PSPC1: variants seen among roughly 807,000 people sequenced by gnomAD.
The protein encoded by PSPC1 is paraspeckle component 1.
A neutral mutation model predicts 51.6 loss-of-function variants in PSPC1; 14 were observed. The ratio of observed to expected loss-of-function variants is 0.27; its 90% confidence interval spans 0.18 to 0.42. The LOEUF (loss-of-function observed/expected upper bound fraction) is 0.42. PSPC1 is among the 10% of genes least tolerant of loss of function. The pLI, the probability that PSPC1 is intolerant of heterozygous loss-of-function variation, is 1.00. For synonymous variants in PSPC1, 193 were observed against 231.9 expected (o/e 0.83, Z 1.53); for missense variants, 406 against 701.1 (o/e 0.58, Z 4.75).
At chr13:19,774,468 C>T (rs1357081729) in intron 1 of PSPC1, among the ~76,000 whole-genome samples, 1 of 152,092 alleles carries the variant, frequency 6.6e-6, no homozygotes, top group African/African-American at 2.4e-5. Flanking sequence ...GAGATATAGT[C>T]ATCCCTCTGT....
At chr13:19,750,239 C>G (rs889211066) in intron 4 of PSPC1, among the ~76,000 whole-genome samples, 8 of 151,954 alleles carry the variant, frequency 5.3e-5, no homozygotes, top group African/African-American at 1.7e-4. Context: ...AGCTGTGGTA[C>G]CTTGATCTCT....
chr13:19,755,039 G>A (rs887840847), intron 3 of PSPC1, among the ~76,000 whole-genome samples: 5 of 151,782 alleles, frequency 3.3e-5, no homozygotes, highest in African/African-American at 9.7e-5. Flanking sequence ...TCGAGACCAC[G>A]CTGAGCAACA....
chr13:19,687,640 C>T (rs1565959080), intron 6 of PSPC1, among the ~76,000 whole-genome samples: 1 of 152,182 alleles, frequency 6.6e-6, no homozygotes. Context: ...TAAAACCTGT[C>T]ACCCTTGCCT....
intron 3 of PSPC1, among the ~76,000 whole-genome samples, chr13:19,756,057 T>A (rs987946538): frequency 2.6e-5 from 4 of 151,872 alleles, no homozygotes; most frequent in African/African-American, 9.7e-5. Flanking sequence ...GCCATTATGG[T>A]AAAACCCCGT....
chr13:19,759,861 CAA>C (rs60889099), intron 2 of PSPC1, among the ~76,000 whole-genome samples: 3 of 131,768 alleles, frequency 2.3e-5, no homozygotes, highest in Admixed American at 7.8e-5. Flanking sequence ...GACTCCATCA[CAA>C]AAAAAAAAAA....
At chr13:19,771,374 G>A (rs1888610863) in intron 2 of PSPC1, among the ~76,000 whole-genome samples, 1 of 152,100 alleles carries the variant, frequency 6.6e-6, no homozygotes, top group Admixed American at 6.6e-5. Context: ...CTGAGCTCAG[G>A]CAATCCACCC....
chr13:19,720,732 T>C (rs989039218), intron 6 of PSPC1, among the ~76,000 whole-genome samples: 4 of 152,166 alleles, frequency 2.6e-5, no homozygotes, highest in Non-Finnish European at 4.4e-5. Flanking sequence ...GAAGAAGTTA[T>C]CTTAAGAAAA....
chr13:19,740,276 G>A (rs1885300871), intron 5 of PSPC1, among the ~76,000 whole-genome samples: 1 of 151,948 alleles, frequency 6.6e-6, no homozygotes, highest in Non-Finnish European at 1.5e-5. Context: ...CCGGGAGGCG[G>A]AGGTTGCTGT....
intron 5 of PSPC1, among the ~76,000 whole-genome samples, chr13:19,740,383 T>G (rs569724473): frequency 6.6e-6 from 1 of 151,664 alleles, no homozygotes; most frequent in South Asian, 2.1e-4. Context: ...TAAAATCACA[T>G]AGAAATATTT....
At chr13:19,767,548 T>G (rs1888193684) in intron 2 of PSPC1, among the ~76,000 whole-genome samples, 1 of 152,134 alleles carries the variant, frequency 6.6e-6, no homozygotes, top group South Asian at 2.1e-4. Context: ...AATTGGATGA[T>G]TATACTACCT....
At chr13:19,741,444 TA>T (rs1885424080) in intron 5 of PSPC1, 120 bp downstream of exon 5, 1 of 688,704 alleles carries the variant, frequency 1.5e-6, no homozygotes, top group Admixed American at 3.2e-5. Context: ...TGTATGTGGT[TA>T]AAATGGGCAA....
intron 1 of PSPC1, among the ~76,000 whole-genome samples, chr13:19,781,465 C>G (rs557231999): frequency 1.1e-4 from 17 of 152,224 alleles, no homozygotes; most frequent in Admixed American, 9.8e-4. Flanking sequence ...CTATATTACT[C>G]TGATACTGGG....
intron 1 of PSPC1, among the ~76,000 whole-genome samples, chr13:19,780,474 T>C (rs1438556391): frequency 4.4e-5 from 1 of 22,792 alleles, no homozygotes; most frequent in Non-Finnish European, 3.5e-4. Context: ...CTAAGAAAAA[T>C]TCCTCTGCCT....
chr13:19,716,378 G>A (rs1263986055), intron 6 of PSPC1, among the ~76,000 whole-genome samples: 2 of 152,126 alleles, frequency 1.3e-5, no homozygotes, highest in Non-Finnish European at 2.9e-5. Context: ...AATAAAAACT[G>A]CTTTAACTGT....
At chr13:19,762,340 G>A (rs1333738496) in intron 2 of PSPC1, among the ~76,000 whole-genome samples, 2 of 151,388 alleles carry the variant, frequency 1.3e-5, no homozygotes, top group Non-Finnish European at 2.9e-5. Flanking sequence ...CGTGGATCAC[G>A]AGGTCAGGAG....
chr13:19,730,959 AAAAAAC>A (rs1566002254), intron 5 of PSPC1, among the ~76,000 whole-genome samples: 860 of 23,134 alleles, frequency 0.037, 82 homozygotes, highest in East Asian at 0.13. Context: ...AAAAAAAACA[AAAAAAC>A]AAAAAAAAAA....
intron 1 of PSPC1, among the ~76,000 whole-genome samples, chr13:19,772,969 C>T (rs547548729): frequency 6.6e-6 from 1 of 152,120 alleles, no homozygotes; most frequent in East Asian, 2.0e-4. Context: ...TGAGACCAGC[C>T]TGGCCAACAG....
chr13:19,691,016 C>T (rs576970652), intron 6 of PSPC1, among the ~76,000 whole-genome samples: 174 of 152,286 alleles, frequency 1.1e-3, no homozygotes, highest in Non-Finnish European at 2.0e-3. Context: ...ATTTTCTTCA[C>T]TATTATATGC....
At chr13:19,687,225 A>C (rs892385138) in intron 6 of PSPC1, among the ~76,000 whole-genome samples, 1 of 152,050 alleles carries the variant, frequency 6.6e-6, no homozygotes, top group African/African-American at 2.4e-5. Flanking sequence ...AATATTAAAA[A>C]ATAAAGCCAT....
Sources: allele counts gnomAD v4.1 joint callset (sites outside exome capture counted in the v4.1 genomes callset), GRCh38; gene constraint gnomAD v4.1.1; transcripts MANE v1.5; gene names NCBI Gene and HGNC (gene_info 2026-07-23, HGNC 2026-07-21).